The following GRID2 variants were observed in gnomAD, a reference collection of about 807,000 sequenced individuals.
The protein encoded by GRID2 is glutamate receptor ionotropic, delta-2.
Under a neutral mutation model 114.8 loss-of-function variants are expected in GRID2, and 33 were observed. That is an observed-to-expected ratio of 0.29 (90% CI 0.22 to 0.38). The LOEUF is 0.38. GRID2 is among the 10% of genes least tolerant of loss of function. The probability of loss-of-function intolerance (pLI) is 1.00; values close to 1 mark genes in which losing one functional copy is unlikely to be tolerated. For synonymous variants in GRID2, 505 were observed against 449.9 expected, an observed-to-expected ratio of 1.12 and a Z score of -1.55; for missense variants, 1,184 against 1,257.7, an observed-to-expected ratio of 0.94 and a Z score of 0.89.
chr4:92,460,062 A>ACAC (rs1721422561), intron 1 of GRID2, among the ~76,000 whole-genome samples: 1 of 133,968 alleles, frequency 7.5e-6, no homozygotes, highest in African/African-American at 2.9e-5. Context: ...ATACACACAC[A>ACAC]ACTTTTTGGT....
At chr4:93,628,006 T>C (rs1378528249) in intron 14 of GRID2, among the ~76,000 whole-genome samples, 1 of 152,142 alleles carries the variant, frequency 6.6e-6, no homozygotes, top group Non-Finnish European at 1.5e-5. Flanking sequence ...AAACCCCATC[T>C]CTACTAAAAA....
Position 93,118,971 on chromosome 4 carries a change from A to T in GRID2, c.735+8018A>T, listed in dbSNP as rs967095501. 1.8e-4 allele frequency among the ~76,000 whole-genome samples: 27 copies of T among 152,226 alleles called. 1 individual carries two copies. Among genetic ancestry groups the T allele is most frequent in the Non-Finnish European group, 1.2e-4 (8 of 68,036 alleles). On this transcript the variant is annotated intron_variant, in intron 4 of 15. Transcript: ENST00000282020. ...AAAGTCAGAAGAATGAGTTTTATCA[A>T]AGAAATTGCTCACTTAGCATTGTCA...
intron 14 of GRID2, among the ~76,000 whole-genome samples, chr4:93,670,228 C>T (rs780696460): frequency 6.6e-6 from 1 of 152,072 alleles, no homozygotes; most frequent in Non-Finnish European, 1.5e-5. Context: ...TCATTCATAT[C>T]TGTTCATGTC....
chr4:93,347,703 A>G (rs946559253), intron 8 of GRID2, among the ~76,000 whole-genome samples: 1 of 152,158 alleles, frequency 6.6e-6, no homozygotes, highest in Non-Finnish European at 1.5e-5. Context: ...TAAGGTAATT[A>G]CTATTTGTTA....
At chr4:93,121,418 GGTGT>G (rs781529252) in intron 4 of GRID2, among the ~76,000 whole-genome samples, 2 of 152,020 alleles carry the variant, frequency 1.3e-5, no homozygotes, top group Non-Finnish European at 2.9e-5. Flanking sequence ...AGAATCATAC[GGTGT>G]GTACTGTTTT....
At chr4:92,824,163 GTAGA>G (rs1250849336) in intron 2 of GRID2, among the ~76,000 whole-genome samples, 2 of 152,130 alleles carry the variant, frequency 1.3e-5, no homozygotes, top group Non-Finnish European at 2.9e-5. Flanking sequence ...TAAGAAAGAC[GTAGA>G]TAAAGGCATT....
chr4:92,942,177 T>C (rs915658922), intron 2 of GRID2, among the ~76,000 whole-genome samples: 1 of 152,166 alleles, frequency 6.6e-6, no homozygotes, highest in Non-Finnish European at 1.5e-5. Context: ...GGTGTTAAAG[T>C]CTCCCATTAT....
At chr4:93,370,429 G>A (rs554245652) in intron 8 of GRID2, among the ~76,000 whole-genome samples, 53 of 134,854 alleles carry the variant, frequency 3.9e-4, no homozygotes, top group African/African-American at 1.3e-3. Context: ...ACACAAACAC[G>A]CACACACAGG....
At chr4:92,612,899 C>A (rs1269342391) in intron 2 of GRID2, among the ~76,000 whole-genome samples, 2 of 151,338 alleles carry the variant, frequency 1.3e-5, no homozygotes, top group Non-Finnish European at 3.0e-5. Context: ...CCTTTTAAAT[C>A]TAGATGCCTT....
intron 1 of GRID2, among the ~76,000 whole-genome samples, chr4:93,805,095 G>T (rs1464074641): frequency 6.6e-6 from 1 of 151,750 alleles, no homozygotes; most frequent in African/African-American, 2.4e-5. Flanking sequence ...TTTATTTTTT[G>T]GTGAAGAAAT....
chr4:93,782,002 C>G (rs1415963090), intron 1 of GRID2, among the ~76,000 whole-genome samples: 1 of 152,156 alleles, frequency 6.6e-6, no homozygotes, highest in Admixed American at 6.5e-5. Context: ...ACTCTTCCTT[C>G]CATTGACTTT....
At chr4:93,186,182 T>C (rs2149441580) in intron 4 of GRID2, among the ~76,000 whole-genome samples, 1 of 152,322 alleles carries the variant, frequency 6.6e-6, no homozygotes, top group South Asian at 2.1e-4. Context: ...AAGTCTTTGC[T>C]ATTGTGAATA....
intron 2 of GRID2, among the ~76,000 whole-genome samples, chr4:93,037,797 A>AT (rs1163467160): frequency 6.6e-6 from 1 of 152,072 alleles, no homozygotes; most frequent in African/African-American, 2.4e-5. Flanking sequence ...CTATTGGTCT[A>AT]TATCTGTTTT....
At chr4:93,240,212 A>C (rs1291482063) in intron 8 of GRID2, among the ~76,000 whole-genome samples, 1 of 151,670 alleles carries the variant, frequency 6.6e-6, no homozygotes, top group African/African-American at 2.4e-5. Flanking sequence ...AGATAACATC[A>C]AACCCATTTT....
At chr4:92,875,227 A>T (rs531367239) in intron 2 of GRID2, among the ~76,000 whole-genome samples, 3 of 142,212 alleles carry the variant, frequency 2.1e-5, no homozygotes, top group African/African-American at 8.0e-5. Context: ...CAATGGCGCA[A>T]TCTCAGCCTA....
At chr4:92,829,242 A>T (rs1384471065) in intron 2 of GRID2, among the ~76,000 whole-genome samples, 1 of 152,174 alleles carries the variant, frequency 6.6e-6, no homozygotes, top group Non-Finnish European at 1.5e-5. Context: ...ATGGCTAGCC[A>T]GTTTTCCCAG....
At chr4:93,239,652 A>G (rs1207371558) in intron 8 of GRID2, among the ~76,000 whole-genome samples, 1 of 151,584 alleles carries the variant, frequency 6.6e-6, no homozygotes, top group African/African-American at 2.4e-5. Flanking sequence ...AACTGCATAA[A>G]ACACAAAGTT....
intron 1 of GRID2, among the ~76,000 whole-genome samples, chr4:92,455,267 T>C (rs545649044): frequency 7.2e-4 from 110 of 152,340 alleles, no homozygotes; most frequent in African/African-American, 2.4e-3. Flanking sequence ...GCCAAAATAC[T>C]ACTCAGTTAC....
At chr4:93,596,818 T>C (rs1391608461) in intron 13 of GRID2, among the ~76,000 whole-genome samples, 1 of 152,214 alleles carries the variant, frequency 6.6e-6, no homozygotes, top group Non-Finnish European at 1.5e-5. Flanking sequence ...AGATTTAATG[T>C]ATTACATGGA....
Sources: gnomAD v4.1 joint callset for allele counts (sites outside exome capture counted in the v4.1 genomes callset) on GRCh38, gnomAD v4.1.1 for gene constraint, MANE v1.5 for transcripts, NCBI Gene and HGNC (gene_info 2026-07-23, HGNC 2026-07-21) for gene names.